The following PRKCQ variants were observed in gnomAD, a reference collection of about 807,000 sequenced individuals.
PRKCQ encodes protein kinase C theta, also known as protein kinase C theta type.
In PRKCQ, 41 loss-of-function variants were observed where a neutral mutation model predicts 91.2. The ratio of observed to expected loss-of-function variants is 0.45; its 90% CI spans 0.35 to 0.58. The LOEUF (loss-of-function observed/expected upper bound fraction) is 0.58, where lower values mean the gene tolerates loss of function less well. Among genes scored for constraint, PRKCQ ranks in the 20% least tolerant of loss-of-function variants. PRKCQ has a pLI of 0.00. For synonymous variants in PRKCQ, 307 were observed against 316.9 expected (o/e 0.97, Z 0.33); for missense variants, 673 against 896.5 (o/e 0.75, Z 3.18).
At chr10:6,498,017 T>A (rs1484686110) in intron 5 of PRKCQ, among the ~76,000 whole-genome samples, 1 of 152,116 alleles carries the variant, frequency 6.6e-6, no homozygotes, top group Non-Finnish European at 1.5e-5. Context: ...AATGGCAGAG[T>A]GCTGCCTGCT....
chr10:6,549,743 G>A (rs565438259), intron 1 of PRKCQ, among the ~76,000 whole-genome samples: 17 of 146,194 alleles, frequency 1.2e-4, no homozygotes, highest in African/African-American at 1.5e-4. Flanking sequence ...AAATTCTCCC[G>A]CCTCAGCCTC....
At chr10:6,577,904 T>C (rs1270324759) in intron 1 of PRKCQ, among the ~76,000 whole-genome samples, 2 of 152,242 alleles carry the variant, frequency 1.3e-5, no homozygotes, top group African/African-American at 2.4e-5. Flanking sequence ...TACATACTTG[T>C]ACCACAAGCC....
chr10:6,512,775 A>G (rs1838547868), intron 2 of PRKCQ, among the ~76,000 whole-genome samples: 1 of 152,226 alleles, frequency 6.6e-6, no homozygotes, highest in Non-Finnish European at 1.5e-5. Flanking sequence ...AAGGAGTTGA[A>G]TAAGCTTGAA....
chr10:6,517,588 CT>C (rs56306878), intron 1 of PRKCQ, among the ~76,000 whole-genome samples: 315 of 49,422 alleles, frequency 6.4e-3, no homozygotes, highest in African/African-American at 0.021. Context: ...AAGATAGCAT[CT>C]TTTTTTTTTT....
chr10:6,449,888 G>A (rs1337260226), intron 15 of PRKCQ, among the ~76,000 whole-genome samples: 1 of 152,164 alleles, frequency 6.6e-6, no homozygotes, highest in Non-Finnish European at 1.5e-5. Context: ...AATGCTGAGG[G>A]ATTTTGTCAC....
downstream of PRKCQ, among the ~76,000 whole-genome samples, chr10:6,426,480 C>T (rs186651009): frequency 5.9e-5 from 9 of 152,322 alleles, no homozygotes; most frequent in Admixed American, 2.6e-4. Context: ...GGACAAGTGT[C>T]GCCTTCTCAC....
At chr10:6,473,790 T>C (rs1280759011) in intron 12 of PRKCQ, among the ~76,000 whole-genome samples, 1 of 152,218 alleles carries the variant, frequency 6.6e-6, no homozygotes, top group Admixed American at 6.5e-5. Context: ...CTTTCTTAGA[T>C]GGATTTTGCC....
At chr10:6,546,638 C>T (rs983186363) in intron 1 of PRKCQ, among the ~76,000 whole-genome samples, 3 of 152,144 alleles carry the variant, frequency 2.0e-5, no homozygotes, top group East Asian at 1.9e-4. Flanking sequence ...TGGGCTGAGA[C>T]GATGGAGTTT....
Position 6,497,980 on chromosome 10 carries a change from C to A in PRKCQ, c.542+416G>T, listed in dbSNP as rs1837706578. Among the ~76,000 whole-genome samples, 2 of 152,288 alleles carry A rather than the reference C, an allele frequency of 1.3e-5. No individual in the cohort carries two copies. Among genetic ancestry groups the A allele is most frequent in the South Asian group, 4.1e-4 (2 of 4,826 alleles). ...GATGGCTATTAAGATACCCAAGAGC[C>A]TCATAAGCATTTAAACCATTAGCTA... On this transcript the variant is annotated intron_variant, in intron 5 of 17. Coordinates refer to ENST00000263125, the MANE Select transcript of PRKCQ (RefSeq NM_006257.5). This position sits in a 1 kb window ranked among gnomAD's most constrained non-coding sequence, Gnocchi z 4.5.
chr10:6,528,125 T>C (rs144950924), intron 1 of PRKCQ, among the ~76,000 whole-genome samples: 186 of 151,998 alleles, frequency 1.2e-3, no homozygotes, highest in African/African-American at 4.2e-3. Flanking sequence ...GCTTGCCCCC[T>C]CTCCTTAAGC....
At chr10:6,425,181 T>C (rs1244489865), downstream of PRKCQ, among the ~76,000 whole-genome samples, 1 of 151,868 alleles carries the variant, frequency 6.6e-6, no homozygotes, top group Admixed American at 6.6e-5. Context: ...GTCAACCCTC[T>C]AGTGTAAGCT....
chr10:6,533,900 C>A (rs1279618283), intron 1 of PRKCQ, among the ~76,000 whole-genome samples: 1 of 152,128 alleles, frequency 6.6e-6, no homozygotes, highest in Non-Finnish European at 1.5e-5. Context: ...AACTGCTAAA[C>A]CACTAAAAGT....
intron 15 of PRKCQ, among the ~76,000 whole-genome samples, chr10:6,449,497 G>A (rs1834526738): frequency 6.6e-6 from 1 of 152,092 alleles, no homozygotes; most frequent in African/African-American, 2.4e-5. Flanking sequence ...GAACCAAGTT[G>A]GAAAACACTC....
At chr10:6,566,207 T>C (rs1840830393) in intron 1 of PRKCQ, among the ~76,000 whole-genome samples, 2 of 152,240 alleles carry the variant, frequency 1.3e-5, no homozygotes, top group African/African-American at 2.4e-5. Flanking sequence ...AAGCTAATTG[T>C]AGCTGAATGA....
intron 10 of PRKCQ, 55 bp from the exon 11 acceptor site, chr10:6,483,655 A>G (rs1222859261): frequency 1.6e-5 from 25 of 1,582,084 alleles, no homozygotes; most frequent in Non-Finnish European, 2.0e-5. Context: ...AGGTCATTCT[A>G]GTTACTGAGA....
At chr10:6,464,739 T>C (rs1170367715) in intron 12 of PRKCQ, among the ~76,000 whole-genome samples, 4 of 152,246 alleles carry the variant, frequency 2.6e-5, no homozygotes, top group South Asian at 2.1e-4. Flanking sequence ...TGAGCCGCCA[T>C]ACCCAGTCAC....
At chr10:6,442,877 G>A (rs149636470) in intron 15 of PRKCQ, among the ~76,000 whole-genome samples, 1,656 of 152,160 alleles carry the variant, frequency 0.011, 17 homozygotes, top group Non-Finnish European at 0.018. Context: ...CAGGAGAATC[G>A]CTTGAACCTG....
chr10:6,566,754 C>CT (rs1216787293), intron 1 of PRKCQ, among the ~76,000 whole-genome samples: 2 of 152,046 alleles, frequency 1.3e-5, no homozygotes, highest in East Asian at 3.9e-4. Context: ...GAGGAACACA[C>CT]TGATGACCAA....
chr10:6,472,916 T>C (rs1343897261), intron 12 of PRKCQ, among the ~76,000 whole-genome samples: 2 of 152,222 alleles, frequency 1.3e-5, no homozygotes. Flanking sequence ...TTTCGCCATG[T>C]TGGCCAGGCT....
Sources: allele counts gnomAD v4.1 joint callset (sites outside exome capture counted in the v4.1 genomes callset), GRCh38; gene constraint gnomAD v4.1.1; non-coding constraint Gnocchi (gnomAD v3.1); transcripts MANE v1.5; gene names NCBI Gene and HGNC (gene_info 2026-07-23, HGNC 2026-07-21).